The following PEX3 variants were observed in gnomAD, a reference collection of about 807,000 sequenced individuals.
PEX3 encodes the protein peroxisomal biogenesis factor 3, also known as peroxin-3.
A neutral mutation model predicts 55.8 loss-of-function variants in PEX3; 30 were observed. The ratio of observed to expected loss-of-function variants is 0.54; its 90% confidence interval spans 0.40 to 0.73. The LOEUF (loss-of-function observed/expected upper bound fraction) is 0.73, where lower values mean the gene tolerates loss of function less well. Among genes scored for constraint, PEX3 ranks in the 30% least tolerant of loss-of-function variants. The pLI is 0.00. For missense variants in PEX3, 351 were observed against 432.8 expected, an observed-to-expected ratio of 0.81 and a Z score of 1.68; for synonymous variants, 135 against 148.4, an observed-to-expected ratio of 0.91 and a Z score of 0.66.
chr6:143,485,481 A>C lies in PEX3; in HGVS notation c.1038+233A>C, dbSNP rs190313337. 6.6e-6 allele frequency among the ~76,000 whole-genome samples: 1 copy of C among 152,202 alleles called. No individual in the cohort carries two copies. Among genetic ancestry groups the C allele is most frequent in the African/African-American group, 2.4e-5 (1 of 41,548 alleles). On this transcript the variant is annotated intron_variant, in intron 11 of 11. Coordinates refer to ENST00000367591, the MANE Select transcript of PEX3 (RefSeq NM_003630.3). The surrounding 1 kb of genome is among the most constrained non-coding windows in gnomAD (Gnocchi z 5.6). ...TTGTAGTCCAACACTGTGGGACTACATTTTAGTCCAGGTGTATTATAGTGG... is the reference window on the plus strand; with the variant it reads ...TTGTAGTCCAACACTGTGGGACTACCTTTTAGTCCAGGTGTATTATAGTGG...
Position 143,472,649 on chromosome 6 carries a change from G to A in PEX3, c.747+321G>A, listed in dbSNP as rs139399338. Among the ~76,000 whole-genome samples, 64 of 152,230 alleles carry A rather than the reference G, an allele frequency of 4.2e-4. 1 individual carries two copies. Among genetic ancestry groups the A allele is most frequent in the South Asian group, 1.5e-3 (7 of 4,816 alleles). ...AACTGAAGATACAAATTCAATTGGTGGGCTGCAGCGTATTTTTGTATCAGA... is the reference window on the plus strand; with the variant it reads ...AACTGAAGATACAAATTCAATTGGTAGGCTGCAGCGTATTTTTGTATCAGA... On this transcript the variant is annotated intron_variant, in intron 8 of 11. Transcript: ENST00000367591.
In PEX3 at chr6:143,458,907, G is replaced by A. The variant is rs1388079402; in HGVS notation, c.74-178G>A. On this transcript the variant is annotated intron_variant, in intron 1 of 11. Transcript: ENST00000367591. The surrounding 1 kb of genome is among the most constrained non-coding windows in gnomAD (Gnocchi z 6.1). ...CCCATCATTTCCTCTGTCATTGGCT[G>A]TAAAAATGCTAATTTCCTTTTCTTT... Among the ~76,000 whole-genome samples the A allele has an allele frequency of 6.6e-6, 1 of 152,150 alleles. No homozygotes were observed. Among genetic ancestry groups the A allele is most frequent in the Non-Finnish European group, 1.5e-5 (1 of 68,016 alleles).
chr6:143,479,208 C>T lies in PEX3; in HGVS notation c.941+10C>T. 6.3e-7 allele frequency: 1 copy of T among 1,595,368 alleles called. No individual in the cohort carries two copies. Among genetic ancestry groups the T allele is most frequent in the Non-Finnish European group, 8.6e-7 (1 of 1,163,404 alleles). On this transcript the variant is annotated intron_variant, in intron 10 of 11. Coordinates refer to ENST00000367591, the MANE Select transcript of PEX3 (RefSeq NM_003630.3). The surrounding 1 kb of genome is among the most constrained non-coding windows in gnomAD (Gnocchi z 4.6). Reference sequence around the variant, plus strand: ...GTAACTCTATGAATAGGTAAGATGACATATAAAAATGTTATACTAATGAAT... The same window carrying T: ...GTAACTCTATGAATAGGTAAGATGATATATAAAAATGTTATACTAATGAAT...
In PEX3 at chr6:143,489,031, T is replaced by C; in HGVS notation, c.1039-112T>C. On this transcript the variant is annotated intron_variant, in intron 11 of 11. Coordinates refer to ENST00000367591, the MANE Select transcript of PEX3 (RefSeq NM_003630.3). This position sits in a 1 kb window ranked among gnomAD's most constrained non-coding sequence, Gnocchi z 5.5. ...TACTCATTTTCTTAAATGGTTTGCC[T>C]CTTGGCCTTTACCACAAAACTTAGA... 1 of 751,026 alleles carries C rather than the reference T, an allele frequency of 1.3e-6. No homozygotes were observed. Among genetic ancestry groups the C allele is most frequent in the Middle Eastern group, 3.2e-4 (1 of 3,166 alleles). 46.5% of individuals were successfully genotyped at this position (751,026 alleles called of 1,614,324 possible). A position where few individuals can be genotyped will look rare whatever the true frequency, so the allele number is the denominator to read the frequency against.
chr6:143,474,660 C>CT, intron 8 of PEX3, 126 bp from the exon 9 acceptor site: 3 of 682,700 alleles, frequency 4.4e-6, no homozygotes, highest in South Asian at 1.6e-5. Flanking sequence ...GAGGGTCTAA[C>CT]TTTTTTTATT....
At position 143,485,134 on chromosome 6, in the gene PEX3, A is replaced by G. The variant is rs767563427; in HGVS notation, c.942-18A>G. The G allele has an allele frequency of 7.6e-7, 1 of 1,317,196 alleles. No homozygotes were observed. Among genetic ancestry groups the G allele is most frequent in the Non-Finnish European group, 1.1e-6 (1 of 909,244 alleles). The allele number at this position is 1,317,196 out of a possible 1,614,324, so 81.6% of individuals were successfully genotyped here. ...GGGGTCATTTCAGAAAATAATCATT[A>G]CTGTAATGATTTTTCAGTCTTTCCA... On this transcript the variant is annotated intron_variant, in intron 10 of 11. Coordinates refer to ENST00000367591, the MANE Select transcript of PEX3 (RefSeq NM_003630.3). This position sits in a 1 kb window ranked among gnomAD's most constrained non-coding sequence, Gnocchi z 5.6.
rs1374097299 is a variant in PEX3, at chr6:143,479,754, T to TA, written c.941+557dup. Among the ~76,000 whole-genome samples the TA allele has an allele frequency of 6.6e-6, 1 of 152,114 alleles. No individual in the cohort carries two copies. The highest frequency in any genetic ancestry group is 1.5e-5 in the Non-Finnish European group (1 of 67,952). On this transcript the variant is annotated intron_variant, in intron 10 of 11. Transcript: ENST00000367591. This position sits in a 1 kb window ranked among gnomAD's most constrained non-coding sequence, Gnocchi z 4.6. Reference sequence around the variant, plus strand: ...CATAACTATTACTAAATCATGGACTTATGTATGCCATAAGGTATCTTACGG... The same window carrying TA: ...CATAACTATTACTAAATCATGGACTTAATGTATGCCATAAGGTATCTTACGG...
rs1299400291 is a variant in PEX3 at position 143,488,793 on chromosome 6, C to G, written c.1039-350C>G. 2.0e-5 allele frequency among the ~76,000 whole-genome samples: 3 copies of G among 152,030 alleles called. No individual in the cohort carries two copies. Among genetic ancestry groups the G allele is most frequent in the Non-Finnish European group, 4.4e-5 (3 of 67,934 alleles). ...CTTCTAGAAAGTAATACACCCTTAA[C>G]CGTGTTATGTCAGCTTCCAGCAAAA... On this transcript the variant is annotated intron_variant, in intron 11 of 11. Coordinates refer to ENST00000367591, the MANE Select transcript of PEX3 (RefSeq NM_003630.3). The surrounding 1 kb of genome is among the most constrained non-coding windows in gnomAD (Gnocchi z 4.9).
rs924270215 is a variant in PEX3 at position 143,489,134 on chromosome 6, C to A, written c.1039-9C>A. The A allele has an allele frequency of 6.3e-7, 1 of 1,578,590 alleles. No individual in the cohort carries two copies. Among genetic ancestry groups the A allele is most frequent in the Non-Finnish European group, 8.7e-7 (1 of 1,148,112 alleles). On this transcript the variant is annotated splice_polypyrimidine_tract_variant and intron_variant, in intron 11 of 11. Transcript: ENST00000367591. This position sits in a 1 kb window ranked among gnomAD's most constrained non-coding sequence, Gnocchi z 5.5. ...GCAAACTATAATGTTATATTATCAT[C>A]TTTGCTAGGATCTGTTGACAATGGA...
rs144237341 is a variant in PEX3, at chr6:143,485,505, G to A, written c.1038+257G>A. ...CATTTTAGTCCAGGTGTATTATAGT[G>A]GTCAGTTGAATTTATATAGCATGAA... On this transcript the variant is annotated intron_variant, in intron 11 of 11. Coordinates refer to ENST00000367591, the MANE Select transcript of PEX3 (RefSeq NM_003630.3). This position sits in a 1 kb window ranked among gnomAD's most constrained non-coding sequence, Gnocchi z 5.6. 2.0e-5 allele frequency among the ~76,000 whole-genome samples: 3 copies of A among 152,058 alleles called. No individual in the cohort carries two copies. Among genetic ancestry groups the A allele is most frequent in the African/African-American group, 4.8e-5 (2 of 41,504 alleles).
At chr6:143,468,488 T>C (rs1300763569) in intron 4 of PEX3, among the ~76,000 whole-genome samples, 2 of 152,168 alleles carry the variant, frequency 1.3e-5, no homozygotes, top group Non-Finnish European at 2.9e-5. Flanking sequence ...TACTTTGATA[T>C]TGTATTGTAA....
intron 3 of PEX3, among the ~76,000 whole-genome samples, chr6:143,467,316 T>G (rs1780005462): frequency 2.0e-5 from 3 of 152,116 alleles, no homozygotes; most frequent in Admixed American, 1.3e-4. Context: ...TTGACTAATT[T>G]AGAAATATCA....
At chr6:143,461,580 A>T (rs1933680930) in intron 2 of PEX3, among the ~76,000 whole-genome samples, 1 of 125,444 alleles carries the variant, frequency 8.0e-6, no homozygotes. Flanking sequence ...TTGATATACT[A>T]GAAAAAAAAA....
Position 143,462,150 on chromosome 6 carries a change from T to C in PEX3, c.206-766T>C, listed in dbSNP as rs1779928748. ...TAAACTCCTAAAAATCACATGAAGT[T>C]TTTTTCCCATAGATTGCTAGTCTCA... On this transcript the variant is annotated intron_variant, in intron 2 of 11. Coordinates refer to ENST00000367591, the MANE Select transcript of PEX3 (RefSeq NM_003630.3). This position sits in a 1 kb window ranked among gnomAD's most constrained non-coding sequence, Gnocchi z 4.1. Among the ~76,000 whole-genome samples, 1 of 152,166 alleles carries C rather than the reference T, an allele frequency of 6.6e-6. No individual in the cohort carries two copies. The highest frequency in any genetic ancestry group is 1.5e-5 in the Non-Finnish European group (1 of 68,028).
rs928288495 is a variant in PEX3 at position 143,486,642 on chromosome 6, T to A, written c.1038+1394T>A. On this transcript the variant is annotated intron_variant, in intron 11 of 11. Transcript: ENST00000367591. The surrounding 1 kb of genome is among the most constrained non-coding windows in gnomAD (Gnocchi z 5.0). ...TTAAAATACCAAGTGGTCTTCTTAA[T>A]AAATTGTCATATGCTTTACTATTTC... Among the ~76,000 whole-genome samples, 12 of 152,142 alleles carry A rather than the reference T, an allele frequency of 7.9e-5. No homozygotes were observed. Among genetic ancestry groups the A allele is most frequent in the African/African-American group, 2.9e-4 (12 of 41,436 alleles).
intron 4 of PEX3, among the ~76,000 whole-genome samples, chr6:143,468,907 A>G (rs931675550): frequency 6.9e-6 from 1 of 145,038 alleles, no homozygotes; most frequent in African/African-American, 2.6e-5. Context: ...CCCACCTATG[A>G]GTGAGAACAT....
chr6:143,483,177 G>A lies in PEX3; in HGVS notation c.942-1975G>A, dbSNP rs1780265587. Among the ~76,000 whole-genome samples, 3 of 152,100 alleles carry A rather than the reference G, an allele frequency of 2.0e-5. No individual in the cohort carries two copies. The South Asian group carries it at 6.2e-4, about 31-fold the overall frequency. On this transcript the variant is annotated intron_variant, in intron 10 of 11. Coordinates refer to ENST00000367591, the MANE Select transcript of PEX3 (RefSeq NM_003630.3). This position sits in a 1 kb window ranked among gnomAD's most constrained non-coding sequence, Gnocchi z 4.3. ...ACAGATAATTCACAAAAGAGCAGAT[G>A]GAAATGGCCAGTTTGTTAATCTAAG...
Position 143,489,914 on chromosome 6 carries a change from A to T in PEX3, c.*688A>T, listed in dbSNP as rs1460277933. 2 of 152,168 alleles carry T rather than the reference A, an allele frequency of 1.3e-5. No homozygotes were observed. The highest frequency in any genetic ancestry group is 4.8e-5 in the African/African-American group (2 of 41,450). The allele number at this position is 152,168 out of a possible 1,614,324, so 9.4% of individuals were successfully genotyped here. A position where few individuals can be genotyped will look rare whatever the true frequency, so the allele number is the denominator to read the frequency against. On this transcript the variant is annotated 3_prime_UTR_variant, in exon 12 of 12. Transcript: ENST00000367591. The surrounding 1 kb of genome is among the most constrained non-coding windows in gnomAD (Gnocchi z 5.5). The stretch of plus-strand genomic sequence containing the variant: ...TGATGCTGTTTACTCACCTAATTAC[A>T]TAGTTTTAATCATTTGTACATAATT...
rs999510080 is a variant in PEX3, at chr6:143,482,383, C to G, written c.942-2769C>G. On this transcript the variant is annotated intron_variant, in intron 10 of 11. Transcript: ENST00000367591. The surrounding 1 kb of genome is among the most constrained non-coding windows in gnomAD (Gnocchi z 5.5). Reference sequence around the variant, plus strand: ...GCTATTGTTATATGAAGGGGACAGACTTTATACTTAGAAACCCAAGAGAGT... The same window carrying G: ...GCTATTGTTATATGAAGGGGACAGAGTTTATACTTAGAAACCCAAGAGAGT... Among the ~76,000 whole-genome samples the G allele has an allele frequency of 7.5e-4, 114 of 152,110 alleles. 1 individual carries two copies. The highest frequency in any genetic ancestry group is 2.5e-3 in the African/African-American group (105 of 41,526).
Sources: allele counts gnomAD v4.1 joint callset (sites outside exome capture counted in the v4.1 genomes callset), GRCh38; gene constraint gnomAD v4.1.1; non-coding constraint Gnocchi (gnomAD v3.1); transcripts MANE v1.5; gene names NCBI Gene and HGNC (gene_info 2026-07-23, HGNC 2026-07-21).